The following PRKAR2A variants were observed in gnomAD, a reference collection of about 807,000 sequenced individuals.
PRKAR2A encodes the protein cAMP-dependent protein kinase type II-alpha regulatory subunit.
A neutral mutation model predicts 51.9 loss-of-function variants in PRKAR2A; 29 were observed. That is an observed-to-expected ratio of 0.56 (90% CI 0.42 to 0.76). The LOEUF is 0.76. Ranked by LOEUF, PRKAR2A falls within the 30% of genes least tolerant of loss-of-function variation. The pLI is 0.00. For synonymous variants in PRKAR2A, 178 were observed against 186.2 expected (o/e 0.96, Z 0.36); for missense variants, 445 against 512.1 (o/e 0.87, Z 1.26).
At chr3:48,833,476 G>A (rs574486628) in intron 1 of PRKAR2A, among the ~76,000 whole-genome samples, 30 of 152,194 alleles carry the variant, frequency 2.0e-4, no homozygotes, top group African/African-American at 5.5e-4. Flanking sequence ...GGGTGGCCGA[G>A]GCGGGTGGAT....
At chr3:48,827,674 T>C (rs1411445588) in intron 1 of PRKAR2A, among the ~76,000 whole-genome samples, 1 of 152,200 alleles carries the variant, frequency 6.6e-6, no homozygotes, top group African/African-American at 2.4e-5. Context: ...TGTATGGCAC[T>C]TGCAGGACTG....
At chr3:48,792,592 G>A (rs1293221304) in intron 3 of PRKAR2A, among the ~76,000 whole-genome samples, 1 of 147,760 alleles carries the variant, frequency 6.8e-6, no homozygotes, top group Non-Finnish European at 1.5e-5. Flanking sequence ...CTCCCAAGTA[G>A]CTGGGATTAC....
intron 5 of PRKAR2A, among the ~76,000 whole-genome samples, chr3:48,776,693 T>C (rs2082110625): frequency 6.6e-6 from 1 of 151,944 alleles, no homozygotes; most frequent in Non-Finnish European, 1.5e-5. Flanking sequence ...ATACAGAAAT[T>C]AGCTGGGTGT....
chr3:48,841,969 A>G (rs1286603326), intron 1 of PRKAR2A, among the ~76,000 whole-genome samples: 3 of 152,214 alleles, frequency 2.0e-5, no homozygotes, highest in African/African-American at 4.8e-5. Flanking sequence ...GATATAATAC[A>G]AAAACTTGTC....
chr3:48,843,308 T>G (rs1270485529), intron 1 of PRKAR2A, among the ~76,000 whole-genome samples: 1 of 152,142 alleles, frequency 6.6e-6, no homozygotes, highest in Non-Finnish European at 1.5e-5. Flanking sequence ...TTTTTTTCTT[T>G]ATTAGTCTTG....
In PRKAR2A at chr3:48,748,710, G is replaced by GA. The variant is rs1360932667; in HGVS notation, c.*2874dup. ...GGGGCTGGACCTCTGTGTCACTCCT[G>GA]AATCCCAATGTATCCGTTACCTTTA... is the stretch of plus-strand genomic sequence containing the variant. On this transcript the variant is annotated 3_prime_UTR_variant, in exon 11 of 11. Coordinates refer to ENST00000265563, the MANE Select transcript of PRKAR2A (RefSeq NM_004157.4). 6.6e-6 allele frequency: 1 copy of GA among 152,182 alleles called. No homozygotes were observed. Among genetic ancestry groups the GA allele is most frequent in the African/African-American group, 2.4e-5 (1 of 41,446 alleles). 9.4% of individuals were successfully genotyped at this position (152,182 alleles called of 1,614,324 possible). A position where few individuals can be genotyped will look rare whatever the true frequency, so the allele number is the denominator to read the frequency against.
intron 9 of PRKAR2A, among the ~76,000 whole-genome samples, chr3:48,752,705 AT>A (rs201764265): frequency 4.7e-5 from 7 of 149,572 alleles, no homozygotes; most frequent in African/African-American, 7.3e-5. Context: ...TGCCCCCCAC[AT>A]TTTTTTTTAA....
In PRKAR2A at chr3:48,831,728, T is replaced by A. The variant is rs558959836; in HGVS notation, c.262+15607A>T. On this transcript the variant is annotated intron_variant, in intron 1 of 10. Coordinates refer to ENST00000265563, the MANE Select transcript of PRKAR2A (RefSeq NM_004157.4). ...ACCTCCCGGGTTCAAGAAATTCTCA[T>A]GTCTCAGCCTCCCAAGTACCTGGGA... Among the ~76,000 whole-genome samples, 431 of 152,180 alleles carry A rather than the reference T, an allele frequency of 2.8e-3. 4 individuals carry two copies. The highest frequency in any genetic ancestry group is 9.8e-3 in the African/African-American group (409 of 41,552).
chr3:48,752,916 CTTTTTTTTTTTTTTTTTTTT>C (rs59163654), intron 9 of PRKAR2A, among the ~76,000 whole-genome samples: 5 of 47,496 alleles, frequency 1.1e-4, no homozygotes, highest in Non-Finnish European at 1.4e-4. Context: ...TTCCCTCCTC[CTTTTTTTTTTTTTTTTTTTT>C]TTTTTTTTTT....
intron 1 of PRKAR2A, among the ~76,000 whole-genome samples, chr3:48,816,664 G>A (rs1403509623): frequency 6.6e-6 from 1 of 151,908 alleles, no homozygotes; most frequent in Non-Finnish European, 1.5e-5. Flanking sequence ...TACTAACTGG[G>A]TATACAAATT....
chr3:48,767,120 C>G (rs957783157), intron 6 of PRKAR2A, among the ~76,000 whole-genome samples: 2 of 152,192 alleles, frequency 1.3e-5, no homozygotes, highest in Non-Finnish European at 2.9e-5. Flanking sequence ...TTATTTGTAT[C>G]TAAGTTAACT....
At chr3:48,836,419 T>TAAAAAAAAAAAAAAAAAAAAAAAAAA (rs548970318) in intron 1 of PRKAR2A, among the ~76,000 whole-genome samples, 43 of 56,090 alleles carry the variant, frequency 7.7e-4, no homozygotes, top group Non-Finnish European at 1.1e-3. Flanking sequence ...AGACTCCGTC[T>TAAAAAAAAAAAAAAAAAAAAAAAAAA]AAAAAAAAAA....
rs34189728 is a variant in PRKAR2A, at chr3:48,822,210, CAAAAAAAAAAAA to C, written c.263-14538_263-14527del. Among the ~76,000 whole-genome samples, 3 of 109,040 alleles carry C rather than the reference CAAAAAAAAAAAA, an allele frequency of 2.8e-5. No individual in the cohort carries two copies. The South Asian group carries it at 9.0e-4, about 33-fold the overall frequency. 71.5% of individuals were successfully genotyped at this position (109,040 alleles called of 152,430 possible). On this transcript the variant is annotated intron_variant, in intron 1 of 10. Coordinates refer to ENST00000265563, the MANE Select transcript of PRKAR2A (RefSeq NM_004157.4). Reference sequence around the variant, plus strand: ...TGGGTGACGGGGCAAGATTCTGTCTCAAAAAAAAAAAAAAAAAAAAATGGAGTTTCCCAGCAT... The same window carrying C: ...TGGGTGACGGGGCAAGATTCTGTCTCAAAAAAAAATGGAGTTTCCCAGCAT...
intron 1 of PRKAR2A, among the ~76,000 whole-genome samples, chr3:48,843,567 G>T (rs1317457646): frequency 6.6e-6 from 1 of 152,140 alleles, no homozygotes; most frequent in Non-Finnish European, 1.5e-5. Flanking sequence ...GAGGCATCAT[G>T]CTACCTGACT....
At chr3:48,810,674 G>C (rs929295604) in intron 1 of PRKAR2A, among the ~76,000 whole-genome samples, 1 of 152,002 alleles carries the variant, frequency 6.6e-6, no homozygotes, top group Non-Finnish European at 1.5e-5. Context: ...GGTACCCACG[G>C]ATACAAAGGG....
chr3:48,817,807 T>A (rs1203354940), intron 1 of PRKAR2A, among the ~76,000 whole-genome samples: 2 of 151,808 alleles, frequency 1.3e-5, no homozygotes, highest in Non-Finnish European at 2.9e-5. Flanking sequence ...AAAAAAAGAT[T>A]TGGTATGCTC....
chr3:48,754,066 AT>A (rs774463649), intron 9 of PRKAR2A, among the ~76,000 whole-genome samples: 1 of 146,478 alleles, frequency 6.8e-6, no homozygotes, highest in African/African-American at 2.5e-5. Context: ...CCTGGCTAAT[AT>A]TTTTTGTGTT....
At position 48,793,117 on chromosome 3, in the gene PRKAR2A, A is replaced by G. The variant is rs184649704; in HGVS notation, c.351+880T>C. 2.2e-3 allele frequency among the ~76,000 whole-genome samples: 328 copies of G among 151,982 alleles called. 2 individuals carry two copies. The highest frequency in any genetic ancestry group is 9.9e-3 in the Admixed American group (151 of 15,234). On this transcript the variant is annotated intron_variant, in intron 3 of 10. Transcript: ENST00000265563. ...CATACATATATACAAATAAATATATATATTTCAAATTTTTTAATTTACGAA... is the reference window on the plus strand; with the variant it reads ...CATACATATATACAAATAAATATATGTATTTCAAATTTTTTAATTTACGAA...
At chr3:48,818,989 G>C (rs1408753627) in intron 1 of PRKAR2A, among the ~76,000 whole-genome samples, 1 of 151,530 alleles carries the variant, frequency 6.6e-6, no homozygotes, top group Non-Finnish European at 1.5e-5. Flanking sequence ...ATTCTGCCAC[G>C]TATACCCTGT....
Sources: gnomAD v4.1 joint callset for allele counts (sites outside exome capture counted in the v4.1 genomes callset) on GRCh38, gnomAD v4.1.1 for gene constraint, MANE v1.5 for transcripts, NCBI Gene and HGNC (gene_info 2026-07-23, HGNC 2026-07-21) for gene names.